The following GABRA3 variants were observed in gnomAD, a reference collection of about 807,000 sequenced individuals.
The protein encoded by GABRA3 is gamma-aminobutyric acid type A receptor subunit alpha3, also known as gamma-aminobutyric acid receptor subunit alpha-3.
A neutral mutation model predicts 30.1 loss-of-function variants in GABRA3; 10 were observed. The ratio of observed to expected loss-of-function variants is 0.33; its 90% confidence interval spans 0.20 to 0.56. The LOEUF is 0.56. Ranked by LOEUF, GABRA3 falls within the 20% of genes least tolerant of loss-of-function variation. The pLI is 0.89. For synonymous variants in GABRA3, 151 were observed against 146.8 expected (o/e 1.03, Z -0.21); for missense variants, 233 against 392.0 (o/e 0.59, Z 3.42).
At chrX:152,237,199 C>T (rs1479571529) in intron 5 of GABRA3, among the ~76,000 whole-genome samples, 4 of 111,380 alleles carry the variant, frequency 3.6e-5, no homozygotes, top group African/African-American at 1.3e-4. Flanking sequence ...GATCCAGTTT[C>T]AGCTTTCTCC....
At chrX:152,215,058 T>A (rs868691050) in intron 6 of GABRA3, among the ~76,000 whole-genome samples, 2,333 of 107,601 alleles carry the variant, frequency 0.022, 43 homozygotes, top group Middle Eastern at 0.064. Flanking sequence ...ATATATATTT[T>A]TTTATATGAT....
intron 9 of GABRA3, among the ~76,000 whole-genome samples, chrX:152,184,073 A>G (rs1043468292): frequency 1.1e-4 from 12 of 109,072 alleles, no homozygotes; most frequent in Non-Finnish European, 5.7e-5. Context: ...TATTTTGGCA[A>G]TTCTTTTTAT....
chrX:152,401,654 T>C (rs746998249), intron 1 of GABRA3, among the ~76,000 whole-genome samples: 43 of 112,013 alleles, frequency 3.8e-4, no homozygotes, highest in Middle Eastern at 4.2e-3. Context: ...AAGAACTTTC[T>C]ATGATGGCGA....
intron 3 of GABRA3, among the ~76,000 whole-genome samples, chrX:152,305,025 T>G (rs1939699544): frequency 8.9e-6 from 1 of 111,838 alleles, no homozygotes; most frequent in Admixed American, 9.6e-5. Flanking sequence ...CATCAATCTT[T>G]TTTCACATTT....
At chrX:152,315,284 G>A (rs775430564) in intron 3 of GABRA3, among the ~76,000 whole-genome samples, 132 of 111,376 alleles carry the variant, frequency 1.2e-3, no homozygotes, top group African/African-American at 4.1e-3. Flanking sequence ...GACCTTACCT[G>A]GAGCTGAGAC....
chrX:152,284,804 T>C, intron 3 of GABRA3, 69 bp from the exon 4 acceptor site: 1 of 732,642 alleles, frequency 1.4e-6, no homozygotes, highest in Admixed American at 2.8e-5. Context: ...GAGAGTCCAG[T>C]GCAGTACTCT....
intron 3 of GABRA3, among the ~76,000 whole-genome samples, chrX:152,295,105 AG>A (rs762659019): frequency 8.9e-6 from 1 of 112,056 alleles, no homozygotes; most frequent in African/African-American, 3.2e-5. Flanking sequence ...ATGAGGTGTC[AG>A]TTGGCCCCTA....
intron 1 of GABRA3, among the ~76,000 whole-genome samples, chrX:152,436,198 AC>A (rs1199279424): frequency 1.8e-5 from 2 of 111,835 alleles, no homozygotes; most frequent in African/African-American, 3.2e-5. Flanking sequence ...AATACAAAGG[AC>A]CTAGGATAGC....
At chrX:152,373,109 G>A (rs1052540213) in intron 1 of GABRA3, among the ~76,000 whole-genome samples, 13 of 111,612 alleles carry the variant, frequency 1.2e-4, no homozygotes, top group Non-Finnish European at 2.4e-4. Flanking sequence ...TCTTTTTGTG[G>A]CGTTTCTGTA....
intron 1 of GABRA3, chrX:152,393,385 A>G: frequency 2.8e-6 from 1 of 358,291 alleles, no homozygotes; most frequent in Non-Finnish European, 5.5e-6. Flanking sequence ...TACTAAACTC[A>G]TATACACGAT....
At chrX:152,445,047 T>G (rs6627592) in intron 1 of GABRA3, among the ~76,000 whole-genome samples, 2 of 56,502 alleles carry the variant, frequency 3.5e-5, no homozygotes, top group Non-Finnish European at 6.3e-5. Flanking sequence ...GGCAACAGAG[T>G]GAGACTCCGT....
intron 5 of GABRA3, among the ~76,000 whole-genome samples, chrX:152,254,127 G>A (rs985919873): frequency 1.8e-5 from 2 of 111,448 alleles, no homozygotes; most frequent in East Asian, 5.6e-4. Flanking sequence ...ATTTACTTTA[G>A]GGTCATGTAT....
chrX:152,336,839 T>G (rs1406052187), intron 3 of GABRA3, among the ~76,000 whole-genome samples: 2 of 111,292 alleles, frequency 1.8e-5, no homozygotes, highest in Non-Finnish European at 3.8e-5. Flanking sequence ...GGGTCTCAAG[T>G]GGTCCCCCAA....
chrX:152,377,655 G>T (rs1035246540), intron 1 of GABRA3, among the ~76,000 whole-genome samples: 6 of 110,148 alleles, frequency 5.4e-5, no homozygotes, highest in African/African-American at 2.0e-4. Flanking sequence ...TTAAAAAAAA[G>T]AAAACAAAAA....
intron 1 of GABRA3, among the ~76,000 whole-genome samples, chrX:152,407,164 T>C (rs901795039): frequency 9.0e-6 from 1 of 111,143 alleles, no homozygotes; most frequent in Non-Finnish European, 1.9e-5. Context: ...TAAGGCTTCA[T>C]CTTAAAAACT....
intron 5 of GABRA3, among the ~76,000 whole-genome samples, chrX:152,249,535 C>T (rs918486608): frequency 9.0e-6 from 1 of 111,053 alleles, no homozygotes; most frequent in Non-Finnish European, 1.9e-5. Context: ...CATCTTCAGC[C>T]TTGCCTTCCT....
chrX:152,208,511 C>CA (rs1937599758), intron 6 of GABRA3, among the ~76,000 whole-genome samples: 1 of 111,618 alleles, frequency 9.0e-6, no homozygotes, highest in South Asian at 3.8e-4. Context: ...CAAATGCCTA[C>CA]AGGAGCCATA....
At chrX:152,216,067 T>C (rs1168808826) in intron 6 of GABRA3, among the ~76,000 whole-genome samples, 4 of 109,973 alleles carry the variant, frequency 3.6e-5, no homozygotes, top group Non-Finnish European at 7.6e-5. Flanking sequence ...ATGACTATTA[T>C]CAAAAAGACA....
At chrX:152,258,032 T>C (rs1358159588) in intron 4 of GABRA3, among the ~76,000 whole-genome samples, 1 of 111,840 alleles carries the variant, frequency 8.9e-6, no homozygotes, top group Non-Finnish European at 1.9e-5. Flanking sequence ...TGAAAATTAC[T>C]TCACTGTCCT....
Sources: gnomAD v4.1 joint callset for allele counts (sites outside exome capture counted in the v4.1 genomes callset) on GRCh38, gnomAD v4.1.1 for gene constraint, MANE v1.5 for transcripts, NCBI Gene and HGNC (gene_info 2026-07-23, HGNC 2026-07-21) for gene names.